The following ZDHHC13 variants were observed in gnomAD, a reference collection of about 807,000 sequenced individuals.
ZDHHC13 encodes the protein palmitoyltransferase ZDHHC13.
ZDHHC13 carries 85 observed loss-of-function variants against 86.0 expected under a neutral mutation model. That is an observed-to-expected ratio of 0.99 (90% CI 0.83 to 1.18). ZDHHC13 has a LOEUF of 1.18. ZDHHC13 is among the 50% of genes most tolerant of loss of function. ZDHHC13 has a pLI of 0.00. For synonymous variants in ZDHHC13, 263 were observed against 246.4 expected (o/e 1.07, Z -0.63); for missense variants, 711 against 730.2 (o/e 0.97, Z 0.30).
intron 10 of ZDHHC13, among the ~76,000 whole-genome samples, chr11:19,160,284 A>G (rs1778998854): frequency 6.6e-6 from 1 of 152,070 alleles, no homozygotes; most frequent in Admixed American, 6.5e-5. Flanking sequence ...TTTTCAAAAG[A>G]TTTTATTATC....
intron 1 of ZDHHC13, among the ~76,000 whole-genome samples, chr11:19,126,268 C>T (rs1249862655): frequency 6.6e-6 from 1 of 151,848 alleles, no homozygotes; most frequent in Non-Finnish European, 1.5e-5. Context: ...CTGCTCCTCT[C>T]TCTCCTCCCA....
chr11:19,169,453 A>G, intron 14 of ZDHHC13: 1 of 985,450 alleles, frequency 1.0e-6, no homozygotes, highest in Non-Finnish European at 1.2e-6. Context: ...ATTTAAATGG[A>G]CAGTTGACAG....
At chr11:19,150,404 T>C (rs1164913332) in intron 5 of ZDHHC13, among the ~76,000 whole-genome samples, 1 of 152,070 alleles carries the variant, frequency 6.6e-6, no homozygotes, top group Non-Finnish European at 1.5e-5. Flanking sequence ...AACTAAGGTC[T>C]CAACTAGGTG....
chr11:19,133,608 G>A (rs76487768), intron 1 of ZDHHC13, among the ~76,000 whole-genome samples: 3,893 of 152,076 alleles, frequency 0.026, 192 homozygotes, highest in African/African-American at 0.088. Context: ...GATGAAGCTT[G>A]TAAGTCTAAT....
At chr11:19,126,830 T>C (rs982613074) in intron 1 of ZDHHC13, among the ~76,000 whole-genome samples, 7 of 152,226 alleles carry the variant, frequency 4.6e-5, no homozygotes, top group African/African-American at 1.7e-4. Context: ...ATGGTTTATA[T>C]GTACTACATT....
In ZDHHC13 at chr11:19,172,709, C is replaced by T. The variant is rs1440781623; in HGVS notation, c.1633-14C>T. The T allele has an allele frequency of 1.9e-6, 3 of 1,578,398 alleles. No homozygotes were observed. The highest frequency in any genetic ancestry group is 3.7e-5 in the Admixed American group (2 of 54,404). On this transcript the variant is annotated splice_polypyrimidine_tract_variant and intron_variant, in intron 15 of 16. Transcript: ENST00000446113. Reference sequence around the variant, plus strand: ...CACACTGAATGTGTGCAACCTTCCACCCTTCTTTTTCAGATTGCCTTTCTG... The same window carrying T: ...CACACTGAATGTGTGCAACCTTCCATCCTTCTTTTTCAGATTGCCTTTCTG...
chr11:19,130,785 TGA>T (rs1448214172), intron 1 of ZDHHC13, among the ~76,000 whole-genome samples: 2 of 152,136 alleles, frequency 1.3e-5, no homozygotes, highest in Admixed American at 1.3e-4. Flanking sequence ...ATGAGAAGTC[TGA>T]GTGTATTCTT....
intron 7 of ZDHHC13, 87 bp downstream of exon 7, chr11:19,152,407 T>C (rs760452246): frequency 9.4e-5 from 141 of 1,494,954 alleles, no homozygotes; most frequent in Non-Finnish European, 1.2e-4. Context: ...TATATAATTG[T>C]TTTCAGTTAC....
chr11:19,152,072 T>G (rs970473430), intron 6 of ZDHHC13, 86 bp from the exon 7 acceptor site: 12 of 1,411,132 alleles, frequency 8.5e-6, no homozygotes, highest in Non-Finnish European at 1.2e-5. Flanking sequence ...ATTGATGGCA[T>G]TATCTTAAAA....
At chr11:19,157,951 C>A (rs967437560) in intron 9 of ZDHHC13, among the ~76,000 whole-genome samples, 1 of 152,178 alleles carries the variant, frequency 6.6e-6, no homozygotes, top group African/African-American at 2.4e-5. Context: ...TGACACCTGT[C>A]AGGAGTGGAC....
chr11:19,176,110 A>G lies in ZDHHC13; in HGVS notation c.*150A>G, dbSNP rs1298833457. ...CATTAGGTAAAAAAAGTTCTCAATA[A>G]AGGCATTACAATTTTTTAGGTTTAG... On this transcript the variant is annotated 3_prime_UTR_variant, in exon 17 of 17. Coordinates refer to ENST00000446113, the MANE Select transcript of ZDHHC13 (RefSeq NM_019028.3). 11 of 721,620 alleles carry G rather than the reference A, an allele frequency of 1.5e-5. No homozygotes were observed. The highest frequency in any genetic ancestry group is 2.0e-5 in the Non-Finnish European group (10 of 496,734). 44.7% of individuals were successfully genotyped at this position (721,620 alleles called of 1,614,324 possible).
At chr11:19,169,588 A>C (rs1850165540) in intron 14 of ZDHHC13, 1 of 985,358 alleles carries the variant, frequency 1.0e-6, no homozygotes. Flanking sequence ...AATCGACAGA[A>C]TTATCTTTTA....
rs369049180 is a variant in ZDHHC13, at chr11:19,149,187, A to G, written c.375A>G (p.Arg125=). 2.1e-5 allele frequency: 32 copies of G among 1,549,334 alleles called. No homozygotes were observed. The East Asian group carries it at 3.7e-4, about 18-fold the overall frequency. The part of the protein sequence containing the change: ...LNSTPLHWAI[R]QGHLPMVILL... ...ATGGCTTTTTGTCTTCTATTTGCAGACAAGGACATTTACCTATGGTCATAT... is the reference window on the plus strand; with the variant it reads ...ATGGCTTTTTGTCTTCTATTTGCAGGCAAGGACATTTACCTATGGTCATAT... The change falls in exon 5 of 17, where the codon CGA becomes CGG. Residue 125 remains arginine (R), a splice_region_variant and synonymous_variant. Coordinates refer to ENST00000446113, the MANE Select transcript of ZDHHC13 (RefSeq NM_019028.3).
At position 19,135,437 on chromosome 11, in the gene ZDHHC13, C is replaced by T. The variant is rs184261291; in HGVS notation, c.28-7541C>T. ...GGAGGGGCCTACGCCCATGGAGTCT[C>T]GCTGGATTGCTAGCACAGCAGTCTG... On this transcript the variant is annotated intron_variant, in intron 1 of 16. Transcript: ENST00000446113. Among the ~76,000 whole-genome samples the T allele has an allele frequency of 9.8e-5, 15 of 152,348 alleles. 1 individual carries two copies. In the East Asian group the frequency reaches 1.4e-3, roughly 14 times the overall value.
Position 19,158,144 on chromosome 11 carries a change from A to T in ZDHHC13, c.1008-796A>T, listed in dbSNP as rs182808129. Among the ~76,000 whole-genome samples, 317 of 152,274 alleles carry T rather than the reference A, an allele frequency of 2.1e-3. 1 individual carries two copies. Among genetic ancestry groups the T allele is most frequent in the Non-Finnish European group, 3.3e-3 (224 of 68,020 alleles). ...GATTCTTTAGTTCTTCTCAAATATG[A>T]ACTTACCATTATTATGGTTATGATC... is the stretch of plus-strand genomic sequence containing the variant. On this transcript the variant is annotated intron_variant, in intron 9 of 16. Coordinates refer to ENST00000446113, the MANE Select transcript of ZDHHC13 (RefSeq NM_019028.3).
intron 5 of ZDHHC13, 148 bp from the exon 6 acceptor site, chr11:19,150,579 C>A: frequency 4.8e-6 from 3 of 624,100 alleles, no homozygotes; most frequent in East Asian, 5.6e-5. Flanking sequence ...TGGAAGTGAG[C>A]AAAACATTCT....
Position 19,175,991 on chromosome 11 carries a change from T to C in ZDHHC13, c.*31T>C. ...AGCAACCCAAAACTCTCAATCTGAT[T>C]TGTTTTTGTTTATGTCGATGCCCTG... On this transcript the variant is annotated 3_prime_UTR_variant, in exon 17 of 17. Coordinates refer to ENST00000446113, the MANE Select transcript of ZDHHC13 (RefSeq NM_019028.3). 6.3e-7 allele frequency: 1 copy of C among 1,577,624 alleles called. No individual in the cohort carries two copies. The highest frequency in any genetic ancestry group is 8.6e-7 in the Non-Finnish European group (1 of 1,166,940).
chr11:19,136,951 G>A (rs541622736), intron 1 of ZDHHC13, among the ~76,000 whole-genome samples: 17 of 152,070 alleles, frequency 1.1e-4, no homozygotes, highest in East Asian at 3.9e-4. Context: ...GATACCAGCC[G>A]CTGCAAAATC....
intron 1 of ZDHHC13, among the ~76,000 whole-genome samples, chr11:19,123,234 A>G (rs1193703280): frequency 6.6e-6 from 1 of 152,208 alleles, no homozygotes; most frequent in African/African-American, 2.4e-5. Flanking sequence ...TATACATGAA[A>G]AATAAAGCTG....
Sources: allele counts gnomAD v4.1 joint callset (sites outside exome capture counted in the v4.1 genomes callset), GRCh38; gene constraint gnomAD v4.1.1; transcripts MANE v1.5; gene names NCBI Gene and HGNC (gene_info 2026-07-23, HGNC 2026-07-21).